Variants in TLN2 observed in about 807,000 individuals in gnomAD.
TLN2 encodes the protein talin-2.
Under a neutral mutation model 294.7 loss-of-function variants are expected in TLN2, and 118 were observed. The observed-to-expected ratio is 0.40, with a 90% CI of 0.34 to 0.47. The LOEUF is 0.47. TLN2 is among the 20% of genes least tolerant of loss of function. The probability of loss-of-function intolerance (pLI) is 0.84; values close to 1 mark genes in which losing one functional copy is unlikely to be tolerated. For synonymous variants in TLN2, 1,431 were observed against 1,304.5 expected (o/e 1.10, Z -2.09); for missense variants, 3,083 against 3,282.2 (o/e 0.94, Z 1.48).
intron 13 of TLN2, among the ~76,000 whole-genome samples, chr15:62,694,104 A>G (rs144354952): frequency 0.013 from 2,034 of 151,488 alleles, 44 homozygotes; most frequent in South Asian, 0.057. Flanking sequence ...TGTAGCTGGG[A>G]TTACAGGCTC....
intron 39 of TLN2, chr15:62,763,168 A>G (rs1319547470): frequency 6.3e-6 from 1 of 158,462 alleles, no homozygotes; most frequent in African/African-American, 2.4e-5. Flanking sequence ...CTAGTATGCA[A>G]TGTAGAAAGC....
chr15:62,675,440 A>G, intron 11 of TLN2, 119 bp downstream of exon 11: 1 of 1,001,644 alleles, frequency 1.0e-6, no homozygotes, highest in Non-Finnish European at 1.5e-6. Flanking sequence ...CGGGTGGAAC[A>G]TCTGGCTAGT....
intron 1 of TLN2, among the ~76,000 whole-genome samples, chr15:62,434,706 C>T (rs756691071): frequency 2.0e-4 from 30 of 152,150 alleles, no homozygotes; most frequent in Admixed American, 5.2e-4. Context: ...TTTGCCAGTC[C>T]GCTAGGTAAA....
At chr15:62,437,839 A>G (rs1218183791) in intron 1 of TLN2, among the ~76,000 whole-genome samples, 1 of 152,030 alleles carries the variant, frequency 6.6e-6, no homozygotes, top group Non-Finnish European at 1.5e-5. Flanking sequence ...TCCCCTTGAA[A>G]TGATCAGGGT....
chr15:62,603,171 C>T (rs372256401), intron 2 of TLN2, among the ~76,000 whole-genome samples: 2 of 152,282 alleles, frequency 1.3e-5, no homozygotes, highest in Non-Finnish European at 2.9e-5. Flanking sequence ...GGATTACAGG[C>T]GTGAGCCACC....
At chr15:62,646,441 C>T (rs1286679288) in intron 3 of TLN2, among the ~76,000 whole-genome samples, 3 of 152,204 alleles carry the variant, frequency 2.0e-5, no homozygotes, top group Non-Finnish European at 4.4e-5. Context: ...GGATTACAGG[C>T]ATGAGCCACT....
chr15:62,644,028 T>C (rs928685855), intron 3 of TLN2, among the ~76,000 whole-genome samples: 4 of 152,088 alleles, frequency 2.6e-5, no homozygotes, highest in Non-Finnish European at 4.4e-5. Flanking sequence ...AGCATAAATC[T>C]GAGCTACCGC....
rs935039663 is a variant in TLN2, at chr15:62,843,702, A to G, written c.*3092A>G. ...AAAGCCTGTTCCTAATTTATCAAAA[A>G]ATTATAACCAAAATTCACCATAGCC... On this transcript the variant is annotated 3_prime_UTR_variant, in exon 59 of 59. Coordinates refer to ENST00000636159, the MANE Select transcript of TLN2 (RefSeq NM_015059.3). 2 of 152,222 alleles carry G rather than the reference A, an allele frequency of 1.3e-5. No individual in the cohort carries two copies. Among genetic ancestry groups the G allele is most frequent in the African/African-American group, 4.8e-5 (2 of 41,458 alleles). The allele number at this position is 152,222 out of a possible 1,614,324, so 9.4% of individuals were successfully genotyped here. A position where few individuals can be genotyped will look rare whatever the true frequency, so the allele number is the denominator to read the frequency against.
chr15:62,477,546 T>C (rs1241355935), intron 1 of TLN2, among the ~76,000 whole-genome samples: 1 of 152,164 alleles, frequency 6.6e-6, no homozygotes, highest in Admixed American at 6.5e-5. Flanking sequence ...TTATCATAGG[T>C]TGTAGGTTTG....
intron 9 of TLN2, among the ~76,000 whole-genome samples, chr15:62,668,452 C>T (rs1046021941): frequency 9.2e-5 from 14 of 152,190 alleles, no homozygotes; most frequent in African/African-American, 3.1e-4. Flanking sequence ...TTAAATTCCC[C>T]TTCCCTGATT....
rs2070852697 is a variant in TLN2, at chr15:62,842,933, TGTG to T, written c.*2329_*2331del. 1.3e-5 allele frequency: 2 copies of T among 152,116 alleles called. No homozygotes were observed. The allele number at this position is 152,116 out of a possible 1,614,324, so 9.4% of individuals were successfully genotyped here. A position where few individuals can be genotyped will look rare whatever the true frequency, so the allele number is the denominator to read the frequency against. Reference sequence around the variant, plus strand: ...TGTATGTGAACGGCTTCGTGGCCGGTGTGGTGGTTTCTCATTTCATAAGATAGT... The same window carrying T: ...TGTATGTGAACGGCTTCGTGGCCGGTGTGGTTTCTCATTTCATAAGATAGT... On this transcript the variant is annotated 3_prime_UTR_variant, in exon 59 of 59. Transcript: ENST00000636159.
At chr15:62,558,746 G>C (rs1405725527) in intron 1 of TLN2, among the ~76,000 whole-genome samples, 1 of 149,528 alleles carries the variant, frequency 6.7e-6, no homozygotes, top group Non-Finnish European at 1.5e-5. Flanking sequence ...ATGGGCAGCA[G>C]GTTGGGGGAA....
chr15:62,512,292 GT>G (rs2039974177), intron 1 of TLN2, among the ~76,000 whole-genome samples: 1 of 152,054 alleles, frequency 6.6e-6, no homozygotes, highest in African/African-American at 2.4e-5. Flanking sequence ...GACTGAGTCG[GT>G]TGTCTATTCT....
intron 32 of TLN2, among the ~76,000 whole-genome samples, chr15:62,744,436 C>T (rs1402755887): frequency 2.1e-4 from 29 of 140,700 alleles, no homozygotes; most frequent in African/African-American, 6.7e-4. Context: ...TAAAGAGAGG[C>T]AGTCTTGCTG....
At chr15:62,622,549 T>A (rs2048923797) in intron 3 of TLN2, among the ~76,000 whole-genome samples, 1 of 152,218 alleles carries the variant, frequency 6.6e-6, no homozygotes, top group African/African-American at 2.4e-5. Flanking sequence ...CTCTCCTCTC[T>A]GCCCTGATAC....
intron 1 of TLN2, among the ~76,000 whole-genome samples, chr15:62,477,909 G>T (rs1430911708): frequency 1.5e-5 from 2 of 132,390 alleles, no homozygotes; most frequent in Non-Finnish European, 3.2e-5. Flanking sequence ...TGGAGGGGGG[G>T]GTGCAGCGGG....
chr15:62,736,895 A>G lies in TLN2; in HGVS notation c.3376A>G (p.Thr1126Ala), dbSNP rs774906477. The G allele has an allele frequency of 2.5e-6, 4 of 1,613,924 alleles. No individual in the cohort carries two copies. Among genetic ancestry groups the G allele is most frequent in the African/African-American group, 1.3e-5 (1 of 75,024 alleles). ...EHYTGVAARE[T>A]AQALKTLAQA... ...TCCCCCAGGGGTGGCTGCTAGAGAGACGGCCCAAGCTCTGAAAACACTGGC... is the reference window on the plus strand; with the variant it reads ...TCCCCCAGGGGTGGCTGCTAGAGAGGCGGCCCAAGCTCTGAAAACACTGGC... The change falls in exon 29 of 59, where the codon ACG becomes GCG. Residue 1126 changes from threonine to alanine, a missense_variant. Thr to Ala is a moderately conservative substitution (Grantham distance 58, BLOSUM62 0). Coordinates refer to ENST00000636159, the MANE Select transcript of TLN2 (RefSeq NM_015059.3).
At chr15:62,727,486 T>TA (rs924940697) in intron 28 of TLN2, among the ~76,000 whole-genome samples, 1 of 151,864 alleles carries the variant, frequency 6.6e-6, no homozygotes, top group African/African-American at 2.4e-5. Context: ...AGTAAAGGCA[T>TA]AAAAAAAGGT....
intron 42 of TLN2, among the ~76,000 whole-genome samples, chr15:62,772,478 C>T (rs1194557010): frequency 1.3e-5 from 2 of 152,198 alleles, no homozygotes; most frequent in African/African-American, 2.4e-5. Context: ...GCCCTGCAGT[C>T]GTGCCAGCCC....
Sources: gnomAD v4.1 joint callset for allele counts (sites outside exome capture counted in the v4.1 genomes callset) on GRCh38, gnomAD v4.1.1 for gene constraint, MANE v1.5 for transcripts, NCBI Gene and HGNC (gene_info 2026-07-23, HGNC 2026-07-21) for gene names.